The following FLI1 variants were observed in gnomAD, a reference collection of about 807,000 sequenced individuals.
FLI1 encodes Friend leukemia integration 1 transcription factor.
Under a neutral mutation model 53.1 loss-of-function variants are expected in FLI1, and 13 were observed. The observed-to-expected ratio is 0.24, with a 90% CI of 0.16 to 0.39. The LOEUF (loss-of-function observed/expected upper bound fraction) is 0.39, where lower values mean the gene tolerates loss of function less well. FLI1 is among the 10% of genes least tolerant of loss of function. The probability of loss-of-function intolerance (pLI) is 1.00; values close to 1 mark genes in which losing one functional copy is unlikely to be tolerated. For synonymous variants in FLI1, 244 were observed against 236.7 expected, an observed-to-expected ratio of 1.03 and a Z score of -0.28; for missense variants, 424 against 600.5, an observed-to-expected ratio of 0.71 and a Z score of 3.07.
At chr11:128,766,197 G>T (rs1302564582) in intron 2 of FLI1, among the ~76,000 whole-genome samples, 2 of 152,208 alleles carry the variant, frequency 1.3e-5, no homozygotes, top group Non-Finnish European at 2.9e-5. Flanking sequence ...AGGCACCAGG[G>T]TCTGACTGGG....
chr11:128,780,971 T>C (rs1461685952), intron 4 of FLI1, among the ~76,000 whole-genome samples: 1 of 152,186 alleles, frequency 6.6e-6, no homozygotes, highest in Non-Finnish European at 1.5e-5. Context: ...TTTCACAAAA[T>C]ACAACCTTGA....
At chr11:128,780,605 A>G (rs988973201) in intron 4 of FLI1, among the ~76,000 whole-genome samples, 1 of 152,208 alleles carries the variant, frequency 6.6e-6, no homozygotes, top group African/African-American at 2.4e-5. Flanking sequence ...CAAAAAAAAT[A>G]AATAAATAAA....
chr11:128,747,770 C>T (rs1331536710), intron 1 of FLI1, among the ~76,000 whole-genome samples: 1 of 152,180 alleles, frequency 6.6e-6, no homozygotes, highest in Non-Finnish European at 1.5e-5. Flanking sequence ...CCACTGCCAT[C>T]TAGAAAAAGC....
chr11:128,799,690 G>A (rs1016466243), intron 5 of FLI1, among the ~76,000 whole-genome samples: 3 of 152,176 alleles, frequency 2.0e-5, no homozygotes, highest in Non-Finnish European at 2.9e-5. Flanking sequence ...TTGCCTCAGG[G>A]TGGGGCTGAG....
chr11:128,762,677 G>A (rs2135819153), intron 2 of FLI1, among the ~76,000 whole-genome samples: 1 of 152,278 alleles, frequency 6.6e-6, no homozygotes, highest in East Asian at 1.9e-4. Context: ...ATGTAGCTCG[G>A]CCAGGTGTGG....
At chr11:128,791,338 G>A (rs1045058464) in intron 5 of FLI1, among the ~76,000 whole-genome samples, 12 of 151,952 alleles carry the variant, frequency 7.9e-5, no homozygotes, top group East Asian at 1.9e-4. Flanking sequence ...CCTTTCATCC[G>A]TCTCAGTCCC....
At chr11:128,744,669 C>T (rs919200937) in intron 1 of FLI1, among the ~76,000 whole-genome samples, 1 of 152,204 alleles carries the variant, frequency 6.6e-6, no homozygotes, top group Non-Finnish European at 1.5e-5. Context: ...GCCCCCTCAA[C>T]CCTCACATCA....
At position 128,811,107 on chromosome 11, in the gene FLI1, T is replaced by C; in HGVS notation, c.*119T>C. On this transcript the variant is annotated 3_prime_UTR_variant, in exon 9 of 9. Coordinates refer to ENST00000527786, the MANE Select transcript of FLI1 (RefSeq NM_002017.5). ...AGACAAAACTGGATGTTCTTTCTTG[T>C]TGGATAGAACCTTTGTATTTGTTCT... The C allele has an allele frequency of 1.0e-6, 1 of 972,452 alleles. No homozygotes were observed. Among genetic ancestry groups the C allele is most frequent in the Non-Finnish European group, 1.6e-6 (1 of 629,610 alleles). 60.2% of individuals were successfully genotyped at this position (972,452 alleles called of 1,614,324 possible).
chr11:128,755,018 T>G (rs1280859116), intron 1 of FLI1, among the ~76,000 whole-genome samples: 7 of 152,216 alleles, frequency 4.6e-5, no homozygotes, highest in Non-Finnish European at 1.0e-4. Flanking sequence ...CTCACTTCCT[T>G]AAGAAGTCTC....
intron 1 of FLI1, among the ~76,000 whole-genome samples, chr11:128,726,200 C>A (rs1049141951): frequency 2.0e-5 from 3 of 152,100 alleles, no homozygotes; most frequent in Non-Finnish European, 2.9e-5. Flanking sequence ...CTGGCTCAGC[C>A]CCCCTGCCCT....
chr11:128,757,286 C>T (rs1193609349), intron 1 of FLI1, among the ~76,000 whole-genome samples: 2 of 152,000 alleles, frequency 1.3e-5, no homozygotes, highest in Non-Finnish European at 1.5e-5. Context: ...CAAAGTCACA[C>T]CCAAGTCAGT....
At chr11:128,733,543 T>C (rs1358630626) in intron 1 of FLI1, among the ~76,000 whole-genome samples, 2 of 152,180 alleles carry the variant, frequency 1.3e-5, no homozygotes, top group Non-Finnish European at 2.9e-5. Context: ...ATAAAAATAA[T>C]GGAAACATGC....
intron 5 of FLI1, among the ~76,000 whole-genome samples, chr11:128,794,420 G>A (rs1942369397): frequency 6.6e-6 from 1 of 152,140 alleles, no homozygotes; most frequent in Non-Finnish European, 1.5e-5. Context: ...AAAGAAACTT[G>A]TTTCACCAAA....
intron 1 of FLI1, among the ~76,000 whole-genome samples, chr11:128,701,803 C>T (rs1938344459): frequency 6.6e-6 from 1 of 152,230 alleles, no homozygotes; most frequent in South Asian, 2.1e-4. Context: ...TCAGTGCACA[C>T]ATGCAAGAGG....
Position 128,758,246 on chromosome 11 carries a change from C to T in FLI1, c.150C>T (p.Pro50=), listed in dbSNP as rs969709718. The change falls in exon 2 of 9, where the codon CCC becomes CCT. Residue 50 remains proline, a synonymous_variant. Coordinates refer to ENST00000527786, the MANE Select transcript of FLI1 (RefSeq NM_002017.5). ...PDYGQPHKIN[P]LPPQQEWINQ... is the part of the protein sequence containing the mutation. Reference sequence around the variant, plus strand: ...ACGGGCAGCCCCACAAGATCAACCCCCTCCCACCACAGCAGGAGTGGATCA... The same window carrying T: ...ACGGGCAGCCCCACAAGATCAACCCTCTCCCACCACAGCAGGAGTGGATCA... The T allele has an allele frequency of 6.2e-7, 1 of 1,613,486 alleles. No homozygotes were observed. Among genetic ancestry groups the T allele is most frequent in the Non-Finnish European group, 8.5e-7 (1 of 1,179,742 alleles).
At chr11:128,799,952 C>A (rs192690905) in intron 5 of FLI1, among the ~76,000 whole-genome samples, 1 of 152,182 alleles carries the variant, frequency 6.6e-6, no homozygotes. Context: ...TACCAGTACA[C>A]GTCATAACCT....
At chr11:128,781,200 C>T (rs1941904757) in intron 4 of FLI1, among the ~76,000 whole-genome samples, 2 of 152,180 alleles carry the variant, frequency 1.3e-5, no homozygotes, top group Non-Finnish European at 2.9e-5. Flanking sequence ...TGAAGGGAAG[C>T]AAAAGTTCCT....
chr11:128,693,073 A>C (rs955754875), upstream of FLI1: 24 of 152,746 alleles, frequency 1.6e-4, no homozygotes, highest in African/African-American at 5.1e-4. Flanking sequence ...GTCCCGCGGT[A>C]GTGTCAGTTC....
chr11:128,719,636 A>G (rs1939173805), intron 1 of FLI1, among the ~76,000 whole-genome samples: 1 of 152,214 alleles, frequency 6.6e-6, no homozygotes, highest in African/African-American at 2.4e-5. Flanking sequence ...GAGCTGAATT[A>G]CATTCATCCC....
Sources: allele counts gnomAD v4.1 joint callset (sites outside exome capture counted in the v4.1 genomes callset), GRCh38; gene constraint gnomAD v4.1.1; transcripts MANE v1.5; gene names NCBI Gene and HGNC (gene_info 2026-07-23, HGNC 2026-07-21).